Variants in AFF1 observed in about 807,000 individuals in gnomAD.
The protein encoded by AFF1 is AF4/FMR2 family member 1.
In AFF1, 48 loss-of-function variants were observed where a neutral mutation model predicts 121.7. The ratio of observed to expected loss-of-function variants is 0.39; its 90% CI spans 0.31 to 0.50. The LOEUF (loss-of-function observed/expected upper bound fraction) is 0.50. Ranked by LOEUF, AFF1 falls within the 20% of genes least tolerant of loss-of-function variation. The pLI is 0.76. For synonymous variants in AFF1, 613 were observed against 563.0 expected (o/e 1.09, Z -1.26); for missense variants, 1,523 against 1,511.7 (o/e 1.01, Z -0.12).
At chr4:86,952,203 A>T (rs1407123894) in intron 2 of AFF1, among the ~76,000 whole-genome samples, 1 of 152,176 alleles carries the variant, frequency 6.6e-6, no homozygotes, top group Non-Finnish European at 1.5e-5. Flanking sequence ...TGTATTCTGA[A>T]GTCATTCATC....
chr4:87,030,882 G>T lies in AFF1; in HGVS notation c.39-15284G>T, dbSNP rs1355229143. The stretch of plus-strand genomic sequence containing the variant: ...TTTTGGGCAATGAGGAGCAAAAGGG[G>T]TCTGGGAATGGTGATCGGTTTTGTT... On this transcript the variant is annotated intron_variant, in intron 2 of 20. Transcript: ENST00000395146. Among the ~76,000 whole-genome samples, 8 of 152,254 alleles carry T rather than the reference G, an allele frequency of 5.3e-5. 1 individual carries two copies. In the South Asian group the frequency reaches 1.4e-3, roughly 28 times the overall value.
intron 15 of AFF1, 123 bp from the exon 16 acceptor site, chr4:87,127,520 C>A: frequency 1.2e-6 from 1 of 850,490 alleles, no homozygotes; most frequent in East Asian, 2.6e-5. Flanking sequence ...ACTTCTCCTT[C>A]TTTGTTTACC....
intron 2 of AFF1, among the ~76,000 whole-genome samples, chr4:87,037,461 AC>A (rs973269039): frequency 1.1e-4 from 16 of 151,908 alleles, no homozygotes; most frequent in Non-Finnish European, 2.9e-5. Context: ...ACAGGCACAC[AC>A]CACCACACCC....
chr4:87,008,127 T>A (rs1031082950), intron 2 of AFF1, among the ~76,000 whole-genome samples: 35 of 152,226 alleles, frequency 2.3e-4, no homozygotes, highest in Non-Finnish European at 5.9e-5. Flanking sequence ...AGATCCAAAC[T>A]GTTCTGTGCG....
chr4:87,032,522 C>G (rs544368341), intron 2 of AFF1, among the ~76,000 whole-genome samples: 12 of 152,290 alleles, frequency 7.9e-5, no homozygotes, highest in Non-Finnish European at 1.0e-4. Flanking sequence ...TTGTTGCTGT[C>G]TGCTTTGTGT....
chr4:87,125,372 G>T, intron 13 of AFF1: 2 of 344,756 alleles, frequency 5.8e-6, no homozygotes, highest in South Asian at 2.6e-4. Flanking sequence ...TTTCACTATG[G>T]ACAATTTCTT....
At chr4:87,033,768 A>C (rs979951646) in intron 2 of AFF1, among the ~76,000 whole-genome samples, 2 of 152,080 alleles carry the variant, frequency 1.3e-5, no homozygotes, top group Non-Finnish European at 2.9e-5. Context: ...TGTTTTAATC[A>C]GTTTAGAGAA....
intron 2 of AFF1, among the ~76,000 whole-genome samples, chr4:87,032,589 C>A (rs1419394166): frequency 1.3e-5 from 2 of 152,126 alleles, no homozygotes; most frequent in Non-Finnish European, 2.9e-5. Flanking sequence ...TTGCTAGGAG[C>A]CTAGAAAAAA....
rs1223764379 is a variant in AFF1, at chr4:87,094,934, A to C, written c.1248A>C (p.Ser416=). The C allele has an allele frequency of 6.2e-7, 1 of 1,613,968 alleles. No individual in the cohort carries two copies. ...TQNQKQYDTS[S]KTHSNSQQGT... ...CCACAGAACAATATGATACATCTTC[A>C]AAAACTCACTCAAATTCTCAGCAAG... The change falls in exon 8 of 21, where the codon TCA becomes TCC. Residue 416 remains serine, a synonymous_variant. Transcript: ENST00000395146.
intron 4 of AFF1, among the ~76,000 whole-genome samples, chr4:87,067,691 GCTTACC>G (rs1481373103): frequency 6.6e-6 from 1 of 152,226 alleles, no homozygotes; most frequent in Non-Finnish European, 1.5e-5. Context: ...AAAAAGGTCA[GCTTACC>G]CTTTGTAGTT....
intron 11 of AFF1, among the ~76,000 whole-genome samples, chr4:87,113,869 C>T (rs1448153108): frequency 6.6e-6 from 1 of 151,736 alleles, no homozygotes; most frequent in Non-Finnish European, 1.5e-5. Context: ...CTGTCACACA[C>T]AAAAAAGAGA....
chr4:86,962,162 T>C (rs891116587), intron 2 of AFF1, among the ~76,000 whole-genome samples: 1 of 150,262 alleles, frequency 6.7e-6, no homozygotes, highest in African/African-American at 2.4e-5. Flanking sequence ...TTTTTTTTTT[T>C]TTTCCTGTCT....
chr4:86,966,696 G>T (rs959348259), intron 2 of AFF1, among the ~76,000 whole-genome samples: 57 of 152,096 alleles, frequency 3.7e-4, no homozygotes, highest in Admixed American at 3.1e-3. Flanking sequence ...GTTGATTGTA[G>T]CGTGTGGGCA....
At chr4:86,994,876 G>C (rs1046626163) in intron 2 of AFF1, among the ~76,000 whole-genome samples, 16 of 152,182 alleles carry the variant, frequency 1.1e-4, no homozygotes, top group African/African-American at 3.9e-4. Flanking sequence ...AGGGGACAGA[G>C]AGAGGTTTGG....
intron 2 of AFF1, among the ~76,000 whole-genome samples, chr4:86,989,826 C>T (rs967620415): frequency 6.6e-6 from 1 of 152,154 alleles, no homozygotes; most frequent in Non-Finnish European, 1.5e-5. Flanking sequence ...CACGTATATA[C>T]CATGGAATAC....
intron 8 of AFF1, among the ~76,000 whole-genome samples, chr4:87,100,140 A>C (rs1393613192): frequency 6.6e-6 from 1 of 152,136 alleles, no homozygotes; most frequent in Admixed American, 6.5e-5. Flanking sequence ...CCCTAGGCTA[A>C]TTTAAACGTA....
In AFF1 at chr4:87,012,436, CAT is replaced by C. The variant is rs572471989; in HGVS notation, c.39-33726_39-33725del. On this transcript the variant is annotated intron_variant, in intron 2 of 20. Transcript: ENST00000395146. Reference sequence around the variant, plus strand: ...ATGCTTCTTGGCTCAGAAATAGAAACATATAGTGAGGCTAAGTATAATCTCTT... The same window carrying C: ...ATGCTTCTTGGCTCAGAAATAGAAACATAGTGAGGCTAAGTATAATCTCTT... Among the ~76,000 whole-genome samples the C allele has an allele frequency of 2.6e-3, 400 of 152,176 alleles. 2 individuals are homozygous for C. The highest frequency in any genetic ancestry group is 9.0e-3 in the African/African-American group (374 of 41,506).
intron 8 of AFF1, among the ~76,000 whole-genome samples, chr4:87,102,400 G>A (rs531591849): frequency 2.7e-4 from 41 of 152,262 alleles, no homozygotes; most frequent in African/African-American, 9.9e-4. Flanking sequence ...CTCTCTCTTG[G>A]TGGGTTCTGG....
Position 86,949,559 on chromosome 4 carries a change from C to T in AFF1, c.38+988C>T, listed in dbSNP as rs1200261173. 15 of 551,458 alleles carry T rather than the reference C, an allele frequency of 2.7e-5. 2 individuals are homozygous for T. The highest frequency in any genetic ancestry group is 5.5e-5 in the East Asian group (1 of 18,098). 34.2% of individuals were successfully genotyped at this position (551,458 alleles called of 1,614,324 possible). A position where few individuals can be genotyped will look rare whatever the true frequency, so the allele number is the denominator to read the frequency against. ...ATTATTTTTTTTTTTTTTTTTTTCC[C>T]GACTGGGGCAGGCGGGCTTTATTCC... is the stretch of plus-strand genomic sequence containing the variant. On this transcript the variant is annotated intron_variant, in intron 2 of 20. Transcript: ENST00000395146.
Sources: gnomAD v4.1 joint callset for allele counts (sites outside exome capture counted in the v4.1 genomes callset) on GRCh38, gnomAD v4.1.1 for gene constraint, MANE v1.5 for transcripts, NCBI Gene and HGNC (gene_info 2026-07-23, HGNC 2026-07-21) for gene names.